Variants in EPHB2 observed in about 807,000 individuals in gnomAD.
EPHB2 encodes EPH receptor B2.
EPHB2 carries 18 observed loss-of-function variants against 96.4 expected under a neutral mutation model. That is an observed-to-expected ratio of 0.19 (90% CI 0.13 to 0.28). The LOEUF is 0.28. Ranked by LOEUF, EPHB2 falls within the 10% of genes least tolerant of loss-of-function variation. EPHB2 has a pLI of 1.00. For synonymous variants in EPHB2, 506 were observed against 534.1 expected (o/e 0.95, Z 0.72); for missense variants, 989 against 1,355.4 (o/e 0.73, Z 4.25).
chr1:22,913,605 C>G lies in EPHB2; in HGVS notation c.*35C>G. Reference sequence around the variant, plus strand: ...GCCTCGGCTCACCTCTTCCTCCAAGCCCCGCCCCCTCTGCCCCACGTGCCG... The same window carrying G: ...GCCTCGGCTCACCTCTTCCTCCAAGGCCCGCCCCCTCTGCCCCACGTGCCG... On this transcript the variant is annotated 3_prime_UTR_variant, in exon 16 of 16. Transcript: ENST00000374630. The surrounding 1 kb of genome is among the most constrained non-coding windows in gnomAD (Gnocchi z 4.1). The G allele has an allele frequency of 6.2e-7, 1 of 1,613,056 alleles. No individual in the cohort carries two copies. Among genetic ancestry groups the G allele is most frequent in the African/African-American group, 1.3e-5 (1 of 75,046 alleles).
intron 3 of EPHB2, among the ~76,000 whole-genome samples, chr1:22,837,138 G>A (rs1186436375): frequency 6.6e-6 from 1 of 152,212 alleles, no homozygotes; most frequent in East Asian, 1.9e-4. Flanking sequence ...AGGGATGGGA[G>A]AGCTGTCAGT....
At position 22,865,155 on chromosome 1, in the gene EPHB2, G is replaced by A. The variant is rs866069361; in HGVS notation, c.1246G>A (p.Asp416Asn). ...GATCCAGGCTGTGAACGGCGTTACT[G>A]ACCAGAGCCCCTTCTCGCCTCAGTT... Reference protein sequence around the residue: ...FEIQAVNGVTDQSPFSPQFAS... With the variant: ...FEIQAVNGVTNQSPFSPQFAS... The change falls in exon 5 of 16, where the codon GAC (aspartate) becomes AAC (asparagine). Residue 416 changes from aspartate to asparagine, a missense_variant. Transcript: ENST00000374630. 5.6e-6 allele frequency: 9 copies of A among 1,614,172 alleles called. No individual in the cohort carries two copies. Among genetic ancestry groups the A allele is most frequent in the South Asian group, 3.3e-5 (3 of 91,084 alleles).
At chr1:22,755,653 G>C (rs1365081816) in intron 1 of EPHB2, among the ~76,000 whole-genome samples, 1 of 152,160 alleles carries the variant, frequency 6.6e-6, no homozygotes, top group Non-Finnish European at 1.5e-5. Context: ...GTGACCTTGG[G>C]CAATTACTTC....
chr1:22,885,885 G>A (rs1419849186), intron 6 of EPHB2, among the ~76,000 whole-genome samples: 2 of 152,150 alleles, frequency 1.3e-5, no homozygotes, highest in South Asian at 2.1e-4. Flanking sequence ...GTACAGAGAG[G>A]GACAGCTTGG....
chr1:22,884,078 A>G (rs1639142205), intron 6 of EPHB2, among the ~76,000 whole-genome samples: 1 of 152,074 alleles, frequency 6.6e-6, no homozygotes, highest in Non-Finnish European at 1.5e-5. Context: ...CCACAAGTGA[A>G]CATGGACTCT....
In EPHB2 at chr1:22,862,950, T is replaced by C. The variant is rs1323753140; in HGVS notation, c.812-87T>C. 50 of 1,559,140 alleles carry C rather than the reference T, an allele frequency of 3.2e-5. No individual in the cohort carries two copies. The East Asian group carries it at 8.5e-4, about 27-fold the overall frequency. ...GCTGCATGGCCCCTCCGCGAGGCTG[T>C]GTGGCCCCTCCGTGAGGCTGCGTGG... On this transcript the variant is annotated intron_variant, in intron 3 of 15. Transcript: ENST00000374630.
intron 1 of EPHB2, among the ~76,000 whole-genome samples, chr1:22,734,061 C>T (rs143592732): frequency 6.6e-6 from 1 of 152,342 alleles, no homozygotes; most frequent in African/African-American, 2.4e-5. Context: ...GCTTCTCAGT[C>T]AAGGACAGAG....
intron 3 of EPHB2, among the ~76,000 whole-genome samples, chr1:22,792,362 G>A (rs1312915150): frequency 6.6e-6 from 1 of 152,178 alleles, no homozygotes; most frequent in African/African-American, 2.4e-5. Context: ...ACAGGGTGGA[G>A]ACACCCAGTT....
chr1:22,754,596 G>A (rs994288485), intron 1 of EPHB2, among the ~76,000 whole-genome samples: 2 of 151,288 alleles, frequency 1.3e-5, no homozygotes, highest in South Asian at 4.2e-4. Flanking sequence ...CCACTGCTGG[G>A]GCAGCTGGGG....
intron 5 of EPHB2, among the ~76,000 whole-genome samples, chr1:22,880,913 C>G (rs931287147): frequency 6.6e-6 from 1 of 152,218 alleles, no homozygotes; most frequent in Non-Finnish European, 1.5e-5. Flanking sequence ...GGACCTACCT[C>G]GGCACCTCAG....
chr1:22,818,814 G>C (rs1181026406), intron 3 of EPHB2, among the ~76,000 whole-genome samples: 2 of 152,094 alleles, frequency 1.3e-5, no homozygotes, highest in Non-Finnish European at 2.9e-5. Flanking sequence ...CCTCCCCCAA[G>C]ACTGGGGTAG....
At chr1:22,713,923 T>C (rs1643226686) in intron 1 of EPHB2, among the ~76,000 whole-genome samples, 1 of 152,052 alleles carries the variant, frequency 6.6e-6, no homozygotes, top group African/African-American at 2.4e-5. Flanking sequence ...AAAGAAAGCA[T>C]GGAGCATGTG....
intron 1 of EPHB2, among the ~76,000 whole-genome samples, chr1:22,723,883 C>A (rs954280679): frequency 6.6e-6 from 1 of 152,188 alleles, no homozygotes; most frequent in Non-Finnish European, 1.5e-5. Flanking sequence ...AGTAATAATA[C>A]CAGCAGCAAC....
chr1:22,770,172 C>T lies in EPHB2; in HGVS notation c.62-11249C>T, dbSNP rs574406580. Among the ~76,000 whole-genome samples the T allele has an allele frequency of 2.9e-3, 447 of 151,802 alleles. 1 individual carries two copies. The highest frequency in any genetic ancestry group is 4.8e-3 in the Non-Finnish European group (326 of 67,952). On this transcript the variant is annotated intron_variant, in intron 1 of 15. Coordinates refer to ENST00000374630, the MANE Select transcript of EPHB2 (RefSeq NM_017449.5). ...GTACACGGGCGGGCAGATGGATAAG[C>T]GTATAGATGTGTGCGGATGGGTAAA...
At chr1:22,724,568 T>C (rs555829396) in intron 1 of EPHB2, among the ~76,000 whole-genome samples, 4 of 152,346 alleles carry the variant, frequency 2.6e-5, no homozygotes, top group Non-Finnish European at 5.9e-5. Context: ...AGAAGTTAAA[T>C]AACTCGTTGC....
At chr1:22,711,197 G>A (rs1402539374) in intron 1 of EPHB2, among the ~76,000 whole-genome samples, 154 bp downstream of exon 1, 4 of 146,554 alleles carry the variant, frequency 2.7e-5, no homozygotes, top group Non-Finnish European at 4.6e-5. Flanking sequence ...CGGCCGCGCC[G>A]GGAGGAGCGG....
chr1:22,893,061 G>T lies in EPHB2; in HGVS notation c.1591+15G>T, dbSNP rs1316375800. ...CATGACAGAAGGTGAGCAGAGTCCAGCGGGCAAGAGGAGGGCACAGACTCC... is the reference window on the plus strand; with the variant it reads ...CATGACAGAAGGTGAGCAGAGTCCATCGGGCAAGAGGAGGGCACAGACTCC... On this transcript the variant is annotated intron_variant, in intron 7 of 15. Transcript: ENST00000374630. The T allele has an allele frequency of 3.7e-6, 6 of 1,614,032 alleles. No individual in the cohort carries two copies. The highest frequency in any genetic ancestry group is 5.1e-6 in the Non-Finnish European group (6 of 1,180,038).
At chr1:22,838,610 C>T (rs892342897) in intron 3 of EPHB2, among the ~76,000 whole-genome samples, 18 of 152,016 alleles carry the variant, frequency 1.2e-4, no homozygotes, top group Non-Finnish European at 2.1e-4. Context: ...CTCCTGTCCC[C>T]GAAAATCTAG....
At position 22,731,553 on chromosome 1, in the gene EPHB2, T is replaced by C. The variant is rs1315186040; in HGVS notation, c.61+20510T>C. On this transcript the variant is annotated intron_variant, in intron 1 of 15. Transcript: ENST00000374630. ...ATAGTAAGTTCTCAACAAATAACCA[T>C]CATCGGCTAGGCGCGGTGGCTCATG... is the stretch of plus-strand genomic sequence containing the variant. 2.0e-5 allele frequency among the ~76,000 whole-genome samples: 3 copies of C among 152,116 alleles called. No homozygotes were observed. In the South Asian group the frequency reaches 6.2e-4, roughly 31 times the overall value.
Sources: gnomAD v4.1 joint callset for allele counts (sites outside exome capture counted in the v4.1 genomes callset) on GRCh38, gnomAD v4.1.1 for gene constraint, Gnocchi (gnomAD v3.1) non-coding constraint, MANE v1.5 for transcripts, NCBI Gene and HGNC (gene_info 2026-07-23, HGNC 2026-07-21) for gene names.